The following CHN1 variants were observed in gnomAD, a reference collection of about 807,000 sequenced individuals.
CHN1 encodes N-chimaerin.
Under a neutral mutation model 59.5 loss-of-function variants are expected in CHN1, and 37 were observed. The ratio of observed to expected loss-of-function variants is 0.62; its 90% CI spans 0.48 to 0.82. The LOEUF (loss-of-function observed/expected upper bound fraction) is 0.82. Among genes scored for constraint, CHN1 ranks in the 40% least tolerant of loss-of-function variants. CHN1 has a pLI of 0.00. For synonymous variants in CHN1, 206 were observed against 200.4 expected, an observed-to-expected ratio of 1.03 and a Z score of -0.24; for missense variants, 469 against 571.0, an observed-to-expected ratio of 0.82 and a Z score of 1.82.
intron 2 of CHN1, among the ~76,000 whole-genome samples, chr2:174,946,900 T>TAAAAAAAA (rs34155510): frequency 1.0e-5 from 1 of 100,218 alleles, no homozygotes; most frequent in Non-Finnish European, 2.0e-5. Flanking sequence ...CTAAAAAATG[T>TAAAAAAAA]AAAAAAAAAA....
intron 5 of CHN1, among the ~76,000 whole-genome samples, chr2:174,894,244 TA>T (rs1488645095): frequency 1.3e-5 from 2 of 151,902 alleles, no homozygotes; most frequent in East Asian, 3.9e-4. Flanking sequence ...CCAGAATATA[TA>T]AAATATATAA....
chr2:174,971,210 C>T (rs749228473), intron 1 of CHN1, among the ~76,000 whole-genome samples: 3 of 151,776 alleles, frequency 2.0e-5, no homozygotes, highest in East Asian at 1.9e-4. Flanking sequence ...CCCAGCTACT[C>T]GGGAGGCTGA....
intron 2 of CHN1, among the ~76,000 whole-genome samples, chr2:174,948,739 C>T (rs1392472795): frequency 6.6e-6 from 1 of 152,096 alleles, no homozygotes; most frequent in Non-Finnish European, 1.5e-5. Flanking sequence ...CAGAAGTGAA[C>T]AATTAGAACT....
At chr2:174,914,199 G>T (rs1448116937) in intron 5 of CHN1, among the ~76,000 whole-genome samples, 3 of 152,208 alleles carry the variant, frequency 2.0e-5, no homozygotes, top group Non-Finnish European at 4.4e-5. Flanking sequence ...AATGAGGTTA[G>T]AGGCCTGGCA....
intron 1 of CHN1, among the ~76,000 whole-genome samples, chr2:174,962,556 T>G (rs1690445333): frequency 6.6e-6 from 1 of 151,264 alleles, no homozygotes; most frequent in Non-Finnish European, 1.5e-5. Flanking sequence ...TGACTGAGAA[T>G]GAGAAGCAGA....
At chr2:174,902,713 C>T (rs901299336) in intron 5 of CHN1, among the ~76,000 whole-genome samples, 36 of 152,308 alleles carry the variant, frequency 2.4e-4, no homozygotes, top group African/African-American at 6.3e-4. Context: ...ACACACAGTA[C>T]ATTACACGTC....
intron 1 of CHN1, among the ~76,000 whole-genome samples, chr2:174,967,516 G>A (rs1019882813): frequency 1.8e-4 from 27 of 151,906 alleles, no homozygotes; most frequent in South Asian, 2.1e-4. Context: ...ATGTTCCAAT[G>A]TTTCCATTTT....
intron 7 of CHN1, 56 bp from the exon 8 acceptor site, chr2:174,824,574 A>G (rs1027800949): frequency 2.9e-6 from 3 of 1,032,662 alleles, no homozygotes; most frequent in Non-Finnish European, 2.9e-6. Flanking sequence ...GGATGAGAAG[A>G]CTGCTTCATA....
chr2:174,950,777 G>GTTTTTTT (rs34886920), intron 2 of CHN1, among the ~76,000 whole-genome samples: 1 of 127,304 alleles, frequency 7.9e-6, no homozygotes, highest in Non-Finnish European at 1.6e-5. Context: ...ATGCAGAGAA[G>GTTTTTTT]TTTTTTTTTT....
intron 5 of CHN1, among the ~76,000 whole-genome samples, chr2:174,908,699 G>C (rs1688609470): frequency 1.3e-5 from 2 of 152,138 alleles, no homozygotes; most frequent in Non-Finnish European, 2.9e-5. Context: ...CACTTGAATA[G>C]TATCTGGCAC....
At chr2:174,848,773 G>A (rs958121466) in intron 6 of CHN1, among the ~76,000 whole-genome samples, 8 of 152,024 alleles carry the variant, frequency 5.3e-5, no homozygotes, top group African/African-American at 1.7e-4. Context: ...CTAAAATTAT[G>A]TCTAAGTAAA....
At chr2:174,804,067 T>C (rs1321074397) in intron 11 of CHN1, among the ~76,000 whole-genome samples, 4 of 152,288 alleles carry the variant, frequency 2.6e-5, no homozygotes, top group African/African-American at 9.6e-5. Flanking sequence ...ATATTATAGT[T>C]ACACTCTATT....
In CHN1 at chr2:174,799,883, G is replaced by C; in HGVS notation, c.*233C>G. ...TAGGGGGCTAATCATGCAATAGCTT[G>C]AGTTTCTCTGAACGTGATAAACACC... is the stretch of plus-strand genomic sequence containing the variant. On this transcript the variant is annotated 3_prime_UTR_variant, in exon 13 of 13. Transcript: ENST00000409900. 3 of 624,238 alleles carry C rather than the reference G, an allele frequency of 4.8e-6. No homozygotes were observed. The highest frequency in any genetic ancestry group is 3.2e-5 in the East Asian group (1 of 31,336). 38.7% of individuals were successfully genotyped at this position (624,238 alleles called of 1,614,324 possible).
At chr2:175,002,477 T>A (rs1244597311) in intron 1 of CHN1, among the ~76,000 whole-genome samples, 1 of 152,162 alleles carries the variant, frequency 6.6e-6, no homozygotes. Context: ...GTGAAAAAAA[T>A]TAAATGTATG....
intron 1 of CHN1, among the ~76,000 whole-genome samples, chr2:174,988,911 G>T (rs570475119): frequency 1.3e-5 from 2 of 152,144 alleles, no homozygotes; most frequent in East Asian, 1.9e-4. Context: ...CATTCAAATC[G>T]TAAGTCAGAA....
chr2:174,968,782 C>T (rs888279146), intron 1 of CHN1, among the ~76,000 whole-genome samples: 14 of 152,160 alleles, frequency 9.2e-5, no homozygotes, highest in African/African-American at 2.9e-4. Flanking sequence ...AACAAAGGTC[C>T]GTATTTTCTC....
intron 1 of CHN1, among the ~76,000 whole-genome samples, chr2:174,958,864 G>C (rs1039592916): frequency 1.3e-5 from 2 of 152,092 alleles, no homozygotes; most frequent in Admixed American, 1.3e-4. Flanking sequence ...TACCATATTA[G>C]CCTCAAGCCG....
chr2:174,824,424 G>T lies in CHN1; in HGVS notation c.712+10C>A. On this transcript the variant is annotated intron_variant, in intron 8 of 12. Coordinates refer to ENST00000409900, the MANE Select transcript of CHN1 (RefSeq NM_001822.7). The stretch of plus-strand genomic sequence containing the variant: ...CTGACTCAATCCAGAGACAAGACAA[G>T]AGCTCTTACCTGCACATTTCACTCC... 6.3e-7 allele frequency: 1 copy of T among 1,589,670 alleles called. No individual in the cohort carries two copies. Among genetic ancestry groups the T allele is most frequent in the Non-Finnish European group, 8.6e-7 (1 of 1,166,846 alleles).
intron 5 of CHN1, among the ~76,000 whole-genome samples, chr2:174,896,908 T>C (rs1354477400): frequency 1.3e-5 from 2 of 152,136 alleles, no homozygotes; most frequent in African/African-American, 4.8e-5. Context: ...ATGATATAAA[T>C]TACCTTTTTA....
Sources: gnomAD v4.1 joint callset for allele counts (sites outside exome capture counted in the v4.1 genomes callset) on GRCh38, gnomAD v4.1.1 for gene constraint, MANE v1.5 for transcripts, NCBI Gene and HGNC (gene_info 2026-07-23, HGNC 2026-07-21) for gene names.